The following NLGN4X variants were observed in gnomAD, a reference collection of about 807,000 sequenced individuals.
The protein encoded by NLGN4X is neuroligin-4, X-linked.
NLGN4X carries 3 observed loss-of-function variants against 40.3 expected under a neutral mutation model. The observed-to-expected ratio is 0.07, with a 90% CI of 0.03 to 0.19. NLGN4X has a LOEUF of 0.19. NLGN4X is among the 10% of genes least tolerant of loss of function. The pLI is 1.00. For missense variants in NLGN4X, 382 were observed against 708.3 expected (o/e 0.54, Z 5.23); for synonymous variants, 270 against 306.8 (o/e 0.88, Z 1.25).
At chrX:5,957,796 T>C (rs1448282024) in intron 3 of NLGN4X, among the ~76,000 whole-genome samples, 1 of 112,191 alleles carries the variant, frequency 8.9e-6, no homozygotes, top group Non-Finnish European at 1.9e-5. Flanking sequence ...TCACTCTTTG[T>C]TGTCCACATA....
At chrX:5,928,807 T>G (rs1293596949) in intron 3 of NLGN4X, among the ~76,000 whole-genome samples, 1 of 110,837 alleles carries the variant, frequency 9.0e-6, no homozygotes. Flanking sequence ...AAAATCACCT[T>G]AGCCCTGTCA....
Position 6,151,720 on chromosome X carries a change from G to C in NLGN4X, c.-254C>G. 4.9e-6 allele frequency: 2 copies of C among 412,273 alleles called. No homozygotes were observed. Among genetic ancestry groups the C allele is most frequent in the Non-Finnish European group, 4.2e-6 (1 of 235,798 alleles). 34.0% of individuals were successfully genotyped at this position (412,273 alleles called of 1,213,427 possible). ...GCAACTGCAATGCTCCAAGGAAGCTGTGATCATCCAACACCTCCAGGGACA... is the reference window on the plus strand; with the variant it reads ...GCAACTGCAATGCTCCAAGGAAGCTCTGATCATCCAACACCTCCAGGGACA... On this transcript the variant is annotated 5_prime_UTR_variant, in exon 2 of 6. Coordinates refer to ENST00000381095, the MANE Select transcript of NLGN4X (RefSeq NM_181332.3).
intron 2 of NLGN4X, among the ~76,000 whole-genome samples, chrX:6,092,509 C>A (rs1422388919): frequency 8.9e-6 from 1 of 112,086 alleles, no homozygotes; most frequent in Non-Finnish European, 1.9e-5. Context: ...GGAAAGAATG[C>A]CAGCATAGGC....
intron 2 of NLGN4X, among the ~76,000 whole-genome samples, chrX:6,116,773 G>A (rs1422536843): frequency 4.5e-5 from 5 of 110,433 alleles, no homozygotes; most frequent in South Asian, 3.8e-4. Flanking sequence ...CAAGTGATCC[G>A]CCCGTCTCAG....
intron 1 of NLGN4X, among the ~76,000 whole-genome samples, chrX:6,153,696 A>C (rs1481052814): frequency 8.9e-6 from 1 of 112,314 alleles, no homozygotes; most frequent in Non-Finnish European, 1.9e-5. Context: ...GACTTCTTCC[A>C]AGGTATATAA....
chrX:6,215,338 G>A (rs771143172), intron 1 of NLGN4X, among the ~76,000 whole-genome samples: 2 of 110,508 alleles, frequency 1.8e-5, no homozygotes, highest in South Asian at 3.9e-4. Flanking sequence ...ATCACCTGAG[G>A]TCGGGAGTTC....
intron 5 of NLGN4X, among the ~76,000 whole-genome samples, chrX:5,899,108 G>T (rs1034354663): frequency 8.9e-6 from 1 of 112,303 alleles, no homozygotes; most frequent in Non-Finnish European, 1.9e-5. Context: ...GAATCCACAC[G>T]TTGCATTTCA....
At chrX:5,917,936 T>C (rs1189141544) in intron 3 of NLGN4X, among the ~76,000 whole-genome samples, 2 of 112,017 alleles carry the variant, frequency 1.8e-5, no homozygotes, top group Non-Finnish European at 3.8e-5. Flanking sequence ...GGTATGTATT[T>C]ATTCAATCTG....
chrX:6,218,282 A>G (rs938767016), intron 1 of NLGN4X, among the ~76,000 whole-genome samples: 2 of 111,996 alleles, frequency 1.8e-5, no homozygotes, highest in African/African-American at 6.5e-5. Flanking sequence ...CAACTGTAGT[A>G]GTCGGTCTGT....
intron 2 of NLGN4X, among the ~76,000 whole-genome samples, chrX:6,093,880 G>A (rs763833028): frequency 2.7e-5 from 3 of 110,992 alleles, no homozygotes; most frequent in Non-Finnish European, 5.7e-5. Context: ...TGCCACATAC[G>A]TTCTTTAAAA....
At chrX:6,108,259 A>C (rs994912805) in intron 2 of NLGN4X, among the ~76,000 whole-genome samples, 1 of 112,375 alleles carries the variant, frequency 8.9e-6, no homozygotes, top group Admixed American at 9.5e-5. Context: ...AAAGCACCAA[A>C]GCCTTCTCAC....
intron 2 of NLGN4X, among the ~76,000 whole-genome samples, chrX:6,037,467 T>C (rs1191107471): frequency 9.0e-6 from 1 of 111,260 alleles, no homozygotes; most frequent in African/African-American, 3.3e-5. Flanking sequence ...TTAATATATA[T>C]TAATTATTGC....
At chrX:6,086,064 A>G (rs1029067301) in intron 2 of NLGN4X, among the ~76,000 whole-genome samples, 3 of 112,154 alleles carry the variant, frequency 2.7e-5, no homozygotes, top group African/African-American at 9.7e-5. Context: ...TACTGTTATT[A>G]TAAGTGTTGC....
chrX:6,082,977 TGA>T lies in NLGN4X; in HGVS notation c.473-53547_473-53546del, dbSNP rs1192121324. ...TTTTCTTTTTTTTTTTTTTTTTTTT[TGA>T]GACGGAGTCTCGCTGTCGCCCAGGC... is the stretch of plus-strand genomic sequence containing the variant. On this transcript the variant is annotated intron_variant, in intron 2 of 5. Coordinates refer to ENST00000381095, the MANE Select transcript of NLGN4X (RefSeq NM_181332.3). Among the ~76,000 whole-genome samples the T allele has an allele frequency of 1.5e-3, 125 of 85,658 alleles. 1 individual carries two copies. The highest frequency in any genetic ancestry group is 6.1e-3 in the Middle Eastern group (1 of 164). 74.4% of individuals were successfully genotyped at this position (85,658 alleles called of 115,157 possible).
chrX:5,935,883 A>G (rs1448653659), intron 3 of NLGN4X, among the ~76,000 whole-genome samples: 2 of 112,174 alleles, frequency 1.8e-5, no homozygotes, highest in African/African-American at 6.5e-5. Context: ...AGAGCGAACA[A>G]TATATTCTTT....
At chrX:6,197,656 TAATA>T (rs1923235325) in intron 1 of NLGN4X, among the ~76,000 whole-genome samples, 1 of 111,220 alleles carries the variant, frequency 9.0e-6, no homozygotes, top group African/African-American at 3.3e-5. Context: ...ACATTCTACT[TAATA>T]AATAAGTTTT....
chrX:6,167,008 G>T (rs568166662), intron 1 of NLGN4X, among the ~76,000 whole-genome samples: 3 of 103,941 alleles, frequency 2.9e-5, no homozygotes, highest in South Asian at 9.3e-4. Flanking sequence ...AGACGGGGAG[G>T]TTGGTGTGAG....
rs778764449 is a variant in NLGN4X, at chrX:6,094,654, A to AC, written c.472+56340dup. Among the ~76,000 whole-genome samples, 13 of 111,577 alleles carry AC rather than the reference A, an allele frequency of 1.2e-4. No homozygotes were observed. In the South Asian group the frequency reaches 5.0e-3, roughly 43 times the overall value. On this transcript the variant is annotated intron_variant, in intron 2 of 5. Transcript: ENST00000381095. ...CATTTCTGTTATGGGGTGGGGGGAT[A>AC]CTAGACAGGGTATGCATTGCATCTC...
At chrX:5,994,241 G>A (rs925133588) in intron 3 of NLGN4X, among the ~76,000 whole-genome samples, 2 of 112,069 alleles carry the variant, frequency 1.8e-5, no homozygotes, top group East Asian at 2.8e-4. Context: ...TCAGCCAAGG[G>A]TGAGGATAAA....
Sources: allele counts gnomAD v4.1 joint callset (sites outside exome capture counted in the v4.1 genomes callset), GRCh38; gene constraint gnomAD v4.1.1; transcripts MANE v1.5; gene names NCBI Gene and HGNC (gene_info 2026-07-23, HGNC 2026-07-21).